Variants in EP300 observed in about 807,000 individuals in gnomAD.
The protein encoded by EP300 is EP300 lysine acetyltransferase, also known as histone acetyltransferase p300.
A neutral mutation model predicts 264.0 loss-of-function variants in EP300; 31 were observed. The observed-to-expected ratio is 0.12, with a 90% CI of 0.09 to 0.16. The LOEUF (loss-of-function observed/expected upper bound fraction) is 0.16. Ranked by LOEUF, EP300 falls within the 10% of genes least tolerant of loss-of-function variation. The pLI is 1.00. For synonymous variants in EP300, 1,340 were observed against 1,045.4 expected (o/e 1.28, Z -5.44); for missense variants, 2,766 against 3,052.9 (o/e 0.91, Z 2.21).
intron 16 of EP300, among the ~76,000 whole-genome samples, chr22:41,154,568 G>A (rs546241943): frequency 3.3e-4 from 50 of 151,778 alleles, no homozygotes; most frequent in African/African-American, 1.1e-3. Flanking sequence ...TAGTAGAGAC[G>A]AGGTTTCACC....
chr22:41,122,000 T>TA (rs975001569), intron 2 of EP300, among the ~76,000 whole-genome samples: 36 of 151,892 alleles, frequency 2.4e-4, no homozygotes, highest in East Asian at 1.2e-3. Flanking sequence ...ACTAGTAGTT[T>TA]AAAAAAAACA....
At chr22:41,148,993 C>T (rs563726252) in intron 12 of EP300, 45 bp from the exon 13 acceptor site, 38 of 1,610,516 alleles carry the variant, frequency 2.4e-5, no homozygotes, top group Non-Finnish European at 3.2e-5. Flanking sequence ...AGTAGAATAA[C>T]TATAATGAAG....
intron 18 of EP300, 103 bp downstream of exon 18, chr22:41,157,511 G>GTTTTTTT: frequency 1.1e-6 from 1 of 890,214 alleles, no homozygotes; most frequent in Non-Finnish European, 1.6e-6. Flanking sequence ...CTTTGACATG[G>GTTTTTTT]CTTTTTTTTT....
intron 19 of EP300, chr22:41,159,316 C>G (rs2059095372): frequency 6.6e-6 from 1 of 152,162 alleles, no homozygotes; most frequent in Non-Finnish European, 1.5e-5. Flanking sequence ...GTTGCAGATG[C>G]ATTTCTAGCT....
chr22:41,147,443 C>A (rs1019731023), intron 11 of EP300, among the ~76,000 whole-genome samples: 1 of 151,666 alleles, frequency 6.6e-6, no homozygotes, highest in Non-Finnish European at 1.5e-5. Flanking sequence ...TTTATTAGTC[C>A]TGATAGAATC....
At position 41,178,211 on chromosome 22, in the gene EP300, A is replaced by C; in HGVS notation, c.6500A>C (p.Gln2167Pro). 6.2e-7 allele frequency: 1 copy of C among 1,614,098 alleles called. No individual in the cohort carries two copies. Among genetic ancestry groups the C allele is most frequent in the Non-Finnish European group, 8.5e-7 (1 of 1,179,992 alleles). Residue 2167 changes from glutamine (Q) to proline (P), a missense_variant, in exon 31 of 31, where the codon CAG becomes CCG. Physicochemically the swap from Gln to Pro is moderately conservative, Grantham distance 76. Coordinates refer to ENST00000263253, the MANE Select transcript of EP300 (RefSeq NM_001429.4). ...PMGGMSPQAQ[Q>P]MNMNHNTMPS... ...GGAGGGATGAGCCCCCAGGCTCAGC[A>C]GATGAACATGAACCACAACACCATG...
At chr22:41,154,929 G>T in intron 16 of EP300, 66 bp from the exon 17 acceptor site, 1 of 1,079,938 alleles carries the variant, frequency 9.3e-7, no homozygotes, top group South Asian at 1.2e-5. Flanking sequence ...GCTTCAGGCT[G>T]AATGATTTTT....
At chr22:41,118,927 C>T (rs1049307749) in intron 2 of EP300, among the ~76,000 whole-genome samples, 22 of 151,002 alleles carry the variant, frequency 1.5e-4, no homozygotes, top group African/African-American at 2.2e-4. Context: ...TTTTTTGCTG[C>T]GAGAATATTG....
At position 41,167,584 on chromosome 22, in the gene EP300, G is replaced by GTATATATATA. The variant is rs56131556; in HGVS notation, c.3875-822_3875-813dup. 2.7e-3 allele frequency among the ~76,000 whole-genome samples: 94 copies of GTATATATATA among 34,396 alleles called. 1 individual carries two copies. Among genetic ancestry groups the GTATATATATA allele is most frequent in the Non-Finnish European group, 3.8e-3 (79 of 20,754 alleles). 22.6% of individuals were successfully genotyped at this position (34,396 alleles called of 152,430 possible). A position where few individuals can be genotyped will look rare whatever the true frequency, so the allele number is the denominator to read the frequency against. ...TTTGTGTGTGTGTGTGTGTGTGTGTGTATATATATATATATATATATATAT... is the reference window on the plus strand; with the variant it reads ...TTTGTGTGTGTGTGTGTGTGTGTGTGTATATATATATATATATATATATATATATATATAT... On this transcript the variant is annotated intron_variant, in intron 23 of 30. Transcript: ENST00000263253.
chr22:41,171,223 C>T (rs1015585257), intron 27 of EP300, among the ~76,000 whole-genome samples: 1 of 148,686 alleles, frequency 6.7e-6, no homozygotes, highest in Non-Finnish European at 1.5e-5. Flanking sequence ...CTCTTGGCCT[C>T]AAGCATTCCA....
intron 1 of EP300, among the ~76,000 whole-genome samples, chr22:41,109,083 T>G (rs2058773956): frequency 6.6e-6 from 1 of 151,982 alleles, no homozygotes; most frequent in Non-Finnish European, 1.5e-5. Context: ...CAGACCAGTC[T>G]GGGTAACATG....
intron 3 of EP300, among the ~76,000 whole-genome samples, chr22:41,126,761 T>TTTTTTTTTTG (rs2058885138): frequency 9.0e-6 from 1 of 110,666 alleles, no homozygotes; most frequent in Non-Finnish European, 1.8e-5. Context: ...TTTTTTTTTT[T>TTTTTTTTTTG]GAGACGGAGT....
chr22:41,122,648 A>T (rs1256142379), intron 2 of EP300, among the ~76,000 whole-genome samples: 3 of 152,020 alleles, frequency 2.0e-5, no homozygotes, highest in Admixed American at 2.0e-4. Flanking sequence ...TGGTAATAGT[A>T]TAAAGAAGAT....
chr22:41,172,966 AT>A (rs2059179370), intron 28 of EP300, among the ~76,000 whole-genome samples: 1 of 152,186 alleles, frequency 6.6e-6, no homozygotes, highest in Non-Finnish European at 1.5e-5. Flanking sequence ...TAGGTTATGA[AT>A]ATTATAGGCC....
intron 3 of EP300, 148 bp from the exon 4 acceptor site, chr22:41,127,339 T>G (rs1381969778): frequency 2.1e-6 from 2 of 948,128 alleles, no homozygotes; most frequent in Non-Finnish European, 3.2e-6. Flanking sequence ...GTAGGAGCCA[T>G]GGTTTATGCA....
chr22:41,164,181 T>G (rs981229303), intron 22 of EP300, 51 bp downstream of exon 22: 15 of 1,514,294 alleles, frequency 9.9e-6, no homozygotes, highest in Non-Finnish European at 1.4e-5. Context: ...ATCGTGAATA[T>G]TAACAAGTTT....
In EP300 at chr22:41,173,614, A is replaced by G. The variant is rs1013464962; in HGVS notation, c.4618-9A>G. On this transcript the variant is annotated splice_polypyrimidine_tract_variant and intron_variant, in intron 28 of 30. Coordinates refer to ENST00000263253, the MANE Select transcript of EP300 (RefSeq NM_001429.4). Reference sequence around the variant, plus strand: ...CTTATTTTCTTGTCTCCTTTGTGCTACTCTGCAGGTGACCAAGGGAGACAG... The same window carrying G: ...CTTATTTTCTTGTCTCCTTTGTGCTGCTCTGCAGGTGACCAAGGGAGACAG... The G allele has an allele frequency of 1.5e-5, 24 of 1,613,908 alleles. No homozygotes were observed. The highest frequency in any genetic ancestry group is 2.2e-5 in the South Asian group (2 of 91,074).
chr22:41,093,184 C>G, intron 1 of EP300, 86 bp downstream of exon 1: 1 of 1,346,900 alleles, frequency 7.4e-7, no homozygotes, highest in Non-Finnish European at 1.1e-6. Context: ...TTTTTTCTTC[C>G]TCTCTCTCTA....
At chr22:41,134,336 T>C (rs2058937874) in intron 6 of EP300, among the ~76,000 whole-genome samples, 1 of 152,118 alleles carries the variant, frequency 6.6e-6, no homozygotes, top group African/African-American at 2.4e-5. Flanking sequence ...ATGTGTGTTT[T>C]TGAGACTGGG....
Sources: allele counts gnomAD v4.1 joint callset (sites outside exome capture counted in the v4.1 genomes callset), GRCh38; gene constraint gnomAD v4.1.1; transcripts MANE v1.5; gene names NCBI Gene and HGNC (gene_info 2026-07-23, HGNC 2026-07-21).